Variants in KLF8 observed in about 807,000 individuals in gnomAD.
The protein encoded by KLF8 is KLF transcription factor 8, also known as Krueppel-like factor 8.
Under a neutral mutation model 18.2 loss-of-function variants are expected in KLF8, and 10 were observed. That is an observed-to-expected ratio of 0.55 (90% CI 0.34 to 0.93). The LOEUF (loss-of-function observed/expected upper bound fraction) is 0.93. Among genes scored for constraint, KLF8 ranks in the 40% least tolerant of loss-of-function variants. The probability of loss-of-function intolerance (pLI) is 0.02; values close to 1 mark genes in which losing one functional copy is unlikely to be tolerated. For synonymous variants in KLF8, 109 were observed against 97.3 expected (o/e 1.12, Z -0.71); for missense variants, 264 against 277.9 (o/e 0.95, Z 0.36).
At chrX:55,972,189 C>G in the KLF8 span, among the ~76,000 whole-genome samples, 1 of 111,418 alleles carries the variant, frequency 9.0e-6, no homozygotes, top group Non-Finnish European at 1.9e-5. Context: ...TACATATACA[C>G]AATAGTGTAT....
chrX:56,115,476 C>T, the KLF8 span, among the ~76,000 whole-genome samples: 1 of 111,444 alleles, frequency 9.0e-6, no homozygotes, highest in African/African-American at 3.3e-5. Context: ...ATTTCTTTAA[C>T]ATACTGGAAA....
At chrX:56,254,567 A>AT (rs1158270148) in intron 2 of KLF8, among the ~76,000 whole-genome samples, 2 of 111,619 alleles carry the variant, frequency 1.8e-5, no homozygotes, top group Non-Finnish European at 3.8e-5. Flanking sequence ...TCCAGGAGGA[A>AT]TGAGGTTACA....
intron 5 of KLF8, 85 bp downstream of exon 5, chrX:56,270,406 G>GAGAGAGAGAGAGAGAGGGGC: frequency 3.7e-6 from 1 of 273,714 alleles, no homozygotes; most frequent in South Asian, 1.5e-4. Context: ...GAGAGGGGCA[G>GAGAGAGAGAGAGAGAGGGGC]AGAGAGAGAG....
the KLF8 span, among the ~76,000 whole-genome samples, chrX:56,053,840 T>C: frequency 9.0e-6 from 1 of 110,954 alleles, no homozygotes; most frequent in East Asian, 2.8e-4. Context: ...TTCTGTAGGG[T>C]TTGTGGTAAT....
At chrX:56,169,292 T>A in the KLF8 span, among the ~76,000 whole-genome samples, 2 of 111,501 alleles carry the variant, frequency 1.8e-5, no homozygotes, top group African/African-American at 6.5e-5. Flanking sequence ...AGGAAGACAC[T>A]CTTTTTGCTT....
the KLF8 span, among the ~76,000 whole-genome samples, chrX:56,076,174 T>C: frequency 9.1e-6 from 1 of 110,049 alleles, no homozygotes; most frequent in Middle Eastern, 4.7e-3. Flanking sequence ...AGTTTTACGG[T>C]ACATGTGTAC....
the KLF8 span, among the ~76,000 whole-genome samples, chrX:55,991,073 G>GT: frequency 8.9e-6 from 1 of 112,356 alleles, no homozygotes; most frequent in East Asian, 2.8e-4. Context: ...GCTGCTTTTT[G>GT]TTTGGCTATA....
chrX:55,955,295 G>T, the KLF8 span, among the ~76,000 whole-genome samples: 1 of 111,284 alleles, frequency 9.0e-6, no homozygotes, highest in East Asian at 2.8e-4. Flanking sequence ...TGTTCTTAGA[G>T]TTTTTGAAGA....
At chrX:56,061,279 C>T in the KLF8 span, among the ~76,000 whole-genome samples, 1 of 111,820 alleles carries the variant, frequency 8.9e-6, no homozygotes, top group African/African-American at 3.3e-5. Flanking sequence ...TTAGATCTTT[C>T]CTGCTTTCTC....
At chrX:56,038,384 C>T in the KLF8 span, among the ~76,000 whole-genome samples, 1 of 111,682 alleles carries the variant, frequency 9.0e-6, no homozygotes, top group African/African-American at 3.3e-5. Flanking sequence ...CACACATCAC[C>T]TTCTGACAGG....
chrX:56,183,910 A>G, the KLF8 span, among the ~76,000 whole-genome samples: 2 of 111,626 alleles, frequency 1.8e-5, no homozygotes, highest in Admixed American at 1.9e-4. Context: ...GCCGAATAGG[A>G]ACAGCTCTGG....
the KLF8 span, among the ~76,000 whole-genome samples, chrX:56,010,491 C>T: frequency 6.3e-5 from 7 of 111,977 alleles, 1 homozygote; most frequent in Admixed American, 5.7e-4. Context: ...AAAGCCATTA[C>T]CAGCCACTAC....
chrX:56,055,650 A>C, the KLF8 span, among the ~76,000 whole-genome samples: 1 of 112,133 alleles, frequency 8.9e-6, no homozygotes, highest in Non-Finnish European at 1.9e-5. Flanking sequence ...TGATAATCTG[A>C]AATATGTTTT....
At chrX:56,256,695 G>A (rs1374293301) in intron 2 of KLF8, among the ~76,000 whole-genome samples, 1 of 111,476 alleles carries the variant, frequency 9.0e-6, no homozygotes, top group African/African-American at 3.3e-5. Flanking sequence ...AGCAATTTTT[G>A]TTGTAGTTGG....
the KLF8 span, among the ~76,000 whole-genome samples, chrX:56,098,634 C>T: frequency 5.4e-5 from 6 of 111,485 alleles, no homozygotes; most frequent in Admixed American, 9.5e-5. Flanking sequence ...ACATTATACT[C>T]ATTGGTGAAA....
the KLF8 span, among the ~76,000 whole-genome samples, chrX:56,006,595 G>A: frequency 8.9e-6 from 1 of 112,361 alleles, no homozygotes; most frequent in African/African-American, 3.2e-5. Flanking sequence ...GATTATTGGT[G>A]TTGAGAATTT....
chrX:56,234,003 C>G (rs1171603170), intron 1 of KLF8, among the ~76,000 whole-genome samples: 1 of 110,725 alleles, frequency 9.0e-6, no homozygotes, highest in Non-Finnish European at 1.9e-5. Flanking sequence ...CTGACTGGGC[C>G]GAGTTGCTGT....
At chrX:55,982,292 T>TTCTAC in the KLF8 span, among the ~76,000 whole-genome samples, 1 of 111,853 alleles carries the variant, frequency 8.9e-6, no homozygotes, top group Non-Finnish European at 1.9e-5. Flanking sequence ...GGTGTCTTAC[T>TTCTAC]TCTACAACCA....
At chrX:56,222,289 G>A in the KLF8 span, among the ~76,000 whole-genome samples, 3 of 110,965 alleles carry the variant, frequency 2.7e-5, no homozygotes, top group Middle Eastern at 4.3e-3. Flanking sequence ...CCTTGAGCTC[G>A]ATAGAGAGTG....
Sources: gnomAD v4.1 joint callset for allele counts (sites outside exome capture counted in the v4.1 genomes callset) on GRCh38, gnomAD v4.1.1 for gene constraint, MANE v1.5 for transcripts, NCBI Gene and HGNC (gene_info 2026-07-23, HGNC 2026-07-21) for gene names.